Variants in DTWD2 observed in about 807,000 individuals in gnomAD.
The protein encoded by DTWD2 is DTW motif tRNA-uridine aminocarboxypropyltransferase 2, also known as tRNA-uridine aminocarboxypropyltransferase 2.
DTWD2 carries 39 observed loss-of-function variants against 31.8 expected under a neutral mutation model. The observed-to-expected ratio is 1.22, with a 90% confidence interval of 0.95 to 1.60. The LOEUF (loss-of-function observed/expected upper bound fraction) is 1.60. Among genes scored for constraint, DTWD2 ranks in the 40% most tolerant of loss-of-function variants. The pLI is 0.00. For missense variants in DTWD2, 515 were observed against 381.5 expected, an observed-to-expected ratio of 1.35 and a Z score of -2.92; for synonymous variants, 180 against 142.8, an observed-to-expected ratio of 1.26 and a Z score of -1.86.
At chr5:118,854,333 T>C (rs1485675532) in intron 4 of DTWD2, among the ~76,000 whole-genome samples, 2 of 152,128 alleles carry the variant, frequency 1.3e-5, no homozygotes, top group African/African-American at 4.8e-5. Context: ...CTTTTTTTAA[T>C]AATGCAAAAT....
intron 4 of DTWD2, among the ~76,000 whole-genome samples, chr5:118,861,574 A>ATT (rs113125374): frequency 9.2e-5 from 14 of 151,362 alleles, no homozygotes; most frequent in Non-Finnish European, 1.8e-4. Context: ...AACGAAACTG[A>ATT]TTTTTTTTTA....
chr5:118,865,470 C>T (rs1752361943), intron 4 of DTWD2, among the ~76,000 whole-genome samples: 1 of 151,814 alleles, frequency 6.6e-6, no homozygotes, highest in African/African-American at 2.4e-5. Flanking sequence ...AAGAATCATA[C>T]ATATAAATAC....
chr5:118,892,950 G>A (rs1337402836), intron 4 of DTWD2, among the ~76,000 whole-genome samples: 1 of 152,038 alleles, frequency 6.6e-6, no homozygotes, highest in Non-Finnish European at 1.5e-5. Context: ...AGAATACAGA[G>A]GCTATAAAAA....
At chr5:118,977,873 A>G (rs1481515137) in intron 1 of DTWD2, among the ~76,000 whole-genome samples, 1 of 152,268 alleles carries the variant, frequency 6.6e-6, no homozygotes, top group Non-Finnish European at 1.5e-5. Context: ...CCAAATAGCC[A>G]AGACAATCCT....
chr5:118,969,953 T>G (rs1311432893), intron 1 of DTWD2, among the ~76,000 whole-genome samples: 2 of 152,118 alleles, frequency 1.3e-5, no homozygotes, highest in Non-Finnish European at 2.9e-5. Flanking sequence ...ATACAGGAGT[T>G]GATAATGAGA....
intron 1 of DTWD2, among the ~76,000 whole-genome samples, chr5:118,978,142 G>C (rs535549029): frequency 6.7e-6 from 1 of 148,228 alleles, no homozygotes; most frequent in Non-Finnish European, 1.5e-5. Context: ...TTTTTTTTAC[G>C]TGGTGCTGGG....
At chr5:118,920,421 G>A (rs894579762) in intron 4 of DTWD2, among the ~76,000 whole-genome samples, 5 of 151,914 alleles carry the variant, frequency 3.3e-5, no homozygotes, top group Non-Finnish European at 5.9e-5. Flanking sequence ...TACTCTTAAC[G>A]CTAAATATCT....
chr5:118,965,353 C>T (rs537211336), intron 1 of DTWD2, among the ~76,000 whole-genome samples: 8 of 151,546 alleles, frequency 5.3e-5, no homozygotes, highest in Non-Finnish European at 8.8e-5. Context: ...AGGTGAGGGG[C>T]GCCTCTGCCC....
chr5:118,948,041 C>T (rs1754379273), intron 1 of DTWD2, among the ~76,000 whole-genome samples: 1 of 152,016 alleles, frequency 6.6e-6, no homozygotes, highest in Non-Finnish European at 1.5e-5. Context: ...ATAGGTAGTT[C>T]ATCTACTAAA....
intron 4 of DTWD2, among the ~76,000 whole-genome samples, chr5:118,851,574 T>C (rs1394820940): frequency 6.6e-6 from 1 of 151,444 alleles, no homozygotes; most frequent in Non-Finnish European, 1.5e-5. Context: ...TCCTGATAAG[T>C]GTCTATGTTC....
At chr5:118,896,619 A>T (rs571854989) in intron 4 of DTWD2, among the ~76,000 whole-genome samples, 1 of 152,368 alleles carries the variant, frequency 6.6e-6, no homozygotes, top group African/African-American at 2.4e-5. Flanking sequence ...TGGTTCAGGG[A>T]CAAATTCTAA....
At chr5:118,966,772 G>A (rs1010896704) in intron 1 of DTWD2, among the ~76,000 whole-genome samples, 3 of 152,148 alleles carry the variant, frequency 2.0e-5, no homozygotes, top group Non-Finnish European at 2.9e-5. Context: ...GCTCACACCT[G>A]TAATCCCAGC....
At chr5:118,844,277 T>C (rs181395872) in intron 5 of DTWD2, among the ~76,000 whole-genome samples, 1 of 152,348 alleles carries the variant, frequency 6.6e-6, no homozygotes, top group East Asian at 1.9e-4. Flanking sequence ...ATTCAGGTTA[T>C]AGCAGGAGGT....
intron 4 of DTWD2, among the ~76,000 whole-genome samples, chr5:118,916,573 G>C (rs1377859390): frequency 2.6e-5 from 4 of 151,292 alleles, no homozygotes; most frequent in African/African-American, 4.9e-5. Flanking sequence ...GTTGAGGCAG[G>C]AGAATCACTT....
At chr5:118,906,430 A>G (rs757503182) in intron 4 of DTWD2, among the ~76,000 whole-genome samples, 4 of 152,194 alleles carry the variant, frequency 2.6e-5, no homozygotes, top group African/African-American at 4.8e-5. Flanking sequence ...TAACAGCCAA[A>G]AACAGAAAAC....
At chr5:118,977,909 C>A (rs1362302058) in intron 1 of DTWD2, among the ~76,000 whole-genome samples, 1 of 151,990 alleles carries the variant, frequency 6.6e-6, no homozygotes, top group Non-Finnish European at 1.5e-5. Flanking sequence ...ACTGGAGAGG[C>A]ATTACACTAC....
chr5:118,881,581 T>A (rs1752741032), intron 4 of DTWD2, among the ~76,000 whole-genome samples: 1 of 152,164 alleles, frequency 6.6e-6, no homozygotes, highest in Non-Finnish European at 1.5e-5. Context: ...AGATACTACC[T>A]GAGACTAGGT....
intron 1 of DTWD2, among the ~76,000 whole-genome samples, chr5:118,979,940 C>T (rs1755262262): frequency 6.6e-6 from 1 of 152,202 alleles, no homozygotes; most frequent in African/African-American, 2.4e-5. Flanking sequence ...AGCAAACCAC[C>T]ATGGCACATG....
chr5:118,981,608 A>G (rs1755302536), intron 1 of DTWD2, among the ~76,000 whole-genome samples: 1 of 152,036 alleles, frequency 6.6e-6, no homozygotes, highest in African/African-American at 2.4e-5. Context: ...TCACCCAGGC[A>G]AGAGCACAGT....
Sources: allele counts gnomAD v4.1 joint callset (sites outside exome capture counted in the v4.1 genomes callset), GRCh38; gene constraint gnomAD v4.1.1; transcripts MANE v1.5; gene names NCBI Gene and HGNC (gene_info 2026-07-23, HGNC 2026-07-21).